Variants in LRP2 observed in about 807,000 individuals in gnomAD.
LRP2 encodes LDL receptor related protein 2, also known as low-density lipoprotein receptor-related protein 2.
A neutral mutation model predicts 531.0 loss-of-function variants in LRP2; 172 were observed. That is an observed-to-expected ratio of 0.32 (90% CI 0.29 to 0.37). LRP2 has a LOEUF of 0.37. Among genes scored for constraint, LRP2 ranks in the 10% least tolerant of loss-of-function variants. LRP2 has a pLI of 1.00. For synonymous variants in LRP2, 1,992 were observed against 2,027.6 expected (o/e 0.98, Z 0.47); for missense variants, 5,167 against 5,868.3 (o/e 0.88, Z 3.90).
chr2:169,166,224 C>T (rs1686777895), intron 61 of LRP2, among the ~76,000 whole-genome samples, 170 bp from the exon 62 acceptor site: 1 of 152,208 alleles, frequency 6.6e-6, no homozygotes, highest in Non-Finnish European at 1.5e-5. Flanking sequence ...CACCAAGGCA[C>T]TGTGCTAGGC....
chr2:169,239,824 CTTCT>C (rs1559034860), intron 25 of LRP2, 49 bp from the exon 26 acceptor site: 1 of 1,504,228 alleles, frequency 6.6e-7, no homozygotes, highest in Admixed American at 1.7e-5. Flanking sequence ...AGAATCTTTG[CTTCT>C]TTGATTCACT....
chr2:169,225,389 A>G lies in LRP2; in HGVS notation c.5459T>C (p.Val1820Ala), dbSNP rs1448383240. The part of the protein sequence containing the change: ...NRTVFASISM[V>A]GPSMNLALDW... ...TAAGGCCAGGTTCATAGAAGGCCCC[A>G]CCATAGATATAGAAGCAAATACTGT... is the stretch of plus-strand genomic sequence containing the variant. The change falls in exon 33 of 79, where the codon GTG (valine) becomes GCG (alanine). Residue 1820 changes from valine to alanine, a missense_variant. Coordinates refer to ENST00000649046, the MANE Select transcript of LRP2 (RefSeq NM_004525.3). The G allele has an allele frequency of 1.9e-6, 3 of 1,614,020 alleles. No individual in the cohort carries two copies. The highest frequency in any genetic ancestry group is 2.2e-5 in the East Asian group (1 of 44,872).
At chr2:169,337,301 T>C (rs831030) in intron 1 of LRP2, among the ~76,000 whole-genome samples, 64,928 of 152,082 alleles carry the variant, frequency 0.43, 14,918 homozygotes, top group African/African-American at 0.61. Flanking sequence ...CCTTCCTCAC[T>C]GGCTTGATGG....
intron 10 of LRP2, 94 bp from the exon 11 acceptor site, chr2:169,280,613 C>G (rs1683678460): frequency 1.6e-6 from 2 of 1,245,396 alleles, no homozygotes; most frequent in African/African-American, 2.9e-5. Flanking sequence ...TTTTCAAATG[C>G]TATCTTCTAG....
At chr2:169,163,884 A>G (rs1686681660) in intron 62 of LRP2, among the ~76,000 whole-genome samples, 1 of 152,224 alleles carries the variant, frequency 6.6e-6, no homozygotes, top group Non-Finnish European at 1.5e-5. Flanking sequence ...AGAAACAGTG[A>G]GAGACATTTT....
chr2:169,205,435 A>C (rs770315508), intron 41 of LRP2, 44 bp downstream of exon 41: 2 of 1,610,920 alleles, frequency 1.2e-6, no homozygotes, highest in South Asian at 2.2e-5. Context: ...AAATGGAAGA[A>C]AAACCTCTTC....
intron 24 of LRP2, 118 bp from the exon 25 acceptor site, chr2:169,241,483 C>T: frequency 9.6e-7 from 1 of 1,044,972 alleles, no homozygotes; most frequent in Non-Finnish European, 1.5e-6. Context: ...ACAACTATGA[C>T]CAAATTAATA....
intron 4 of LRP2, among the ~76,000 whole-genome samples, chr2:169,304,947 A>G (rs1559066563): frequency 6.6e-6 from 1 of 152,224 alleles, no homozygotes; most frequent in Non-Finnish European, 1.5e-5. Flanking sequence ...CATCATTCTC[A>G]GCAAACTAAC....
intron 16 of LRP2, among the ~76,000 whole-genome samples, chr2:169,268,119 C>G (rs1288973617): frequency 6.6e-6 from 1 of 152,084 alleles, no homozygotes; most frequent in East Asian, 1.9e-4. Context: ...AATTAATAGC[C>G]TACCAACCCA....
chr2:169,302,911 T>C (rs1684321118), intron 4 of LRP2, among the ~76,000 whole-genome samples: 1 of 152,130 alleles, frequency 6.6e-6, no homozygotes, highest in African/African-American at 2.4e-5. Context: ...ATTGGGGAAT[T>C]TTAAAAACTG....
At position 169,185,610 on chromosome 2, in the gene LRP2, T is replaced by G; in HGVS notation, c.9738A>C (p.Thr3246=). The G allele has an allele frequency of 6.2e-7, 1 of 1,614,198 alleles. No individual in the cohort carries two copies. The highest frequency in any genetic ancestry group is 8.5e-7 in the Non-Finnish European group (1 of 1,180,022). Residue 3246 remains threonine (T), a synonymous_variant, in exon 50 of 79, where the codon ACA becomes ACC. Coordinates refer to ENST00000649046, the MANE Select transcript of LRP2 (RefSeq NM_004525.3). ...RVEKRLYWID[T]QRQVIERMFL... ...ACATTCTCTCAATGACTTGCCTCTG[T>G]GTATCAATCCAATACAATCTCTTCT...
chr2:169,146,712 T>C, intron 69 of LRP2, 27 bp downstream of exon 69: 2 of 1,489,260 alleles, frequency 1.3e-6, no homozygotes, highest in Non-Finnish European at 9.4e-7. Context: ...ATTAATTTAA[T>C]ATATTACTTT....
intron 67 of LRP2, 113 bp from the exon 68 acceptor site, chr2:169,151,139 A>G (rs1403086814): frequency 1.9e-6 from 2 of 1,058,350 alleles, no homozygotes; most frequent in African/African-American, 1.6e-5. Flanking sequence ...CTGCTCAGAT[A>G]CCTATCATCA....
At chr2:169,353,767 G>C (rs6721930) in intron 1 of LRP2, among the ~76,000 whole-genome samples, 64,946 of 152,084 alleles carry the variant, frequency 0.43, 14,978 homozygotes, top group South Asian at 0.57. Context: ...GAGGCGGGAG[G>C]ATCACTTGAG....
chr2:169,128,939 T>C (rs1343386775), intron 78 of LRP2, 74 bp downstream of exon 78: 23 of 1,534,308 alleles, frequency 1.5e-5, no homozygotes, highest in Non-Finnish European at 1.8e-5. Flanking sequence ...ATAATCTAAG[T>C]GTGTGTCCAA....
At chr2:169,278,095 GT>G (rs113905285) in intron 12 of LRP2, 144 bp from the exon 13 acceptor site, 5,367 of 539,510 alleles carry the variant, frequency 9.9e-3, no homozygotes, top group East Asian at 0.015. Context: ...AAATTAAGTT[GT>G]TTTTTTTTTT....
At position 169,275,064 on chromosome 2, in the gene LRP2, A is replaced by G. The variant is rs1439608098; in HGVS notation, c.1947T>C (p.Thr649=). The change falls in exon 14 of 79, where the codon ACT becomes ACC. Residue 649 remains threonine, a synonymous_variant. Transcript: ENST00000649046. ...YQASLRPYGV[T]VYHSLRQPYA... is the part of the protein sequence containing the mutation. ...AGGGCTGTCTGAGGGAATGGTAAACAGTCACTCCATAGGGCCTCAGGGAAG... is the reference window on the plus strand; with the variant it reads ...AGGGCTGTCTGAGGGAATGGTAAACGGTCACTCCATAGGGCCTCAGGGAAG... The G allele has an allele frequency of 6.2e-7, 1 of 1,613,666 alleles. No homozygotes were observed.
intron 1 of LRP2, among the ~76,000 whole-genome samples, chr2:169,343,347 C>G (rs1231133915): frequency 6.6e-6 from 1 of 152,134 alleles, no homozygotes; most frequent in African/African-American, 2.4e-5. Context: ...CTTTAAAAAG[C>G]TGTATTTTTC....
chr2:169,291,114 C>A, intron 7 of LRP2, 117 bp from the exon 8 acceptor site: 1 of 858,218 alleles, frequency 1.2e-6, no homozygotes, highest in Admixed American at 2.5e-5. Flanking sequence ...TATAAATGAT[C>A]TACATTTTAC....
Sources: gnomAD v4.1 joint callset for allele counts (sites outside exome capture counted in the v4.1 genomes callset) on GRCh38, gnomAD v4.1.1 for gene constraint, MANE v1.5 for transcripts, NCBI Gene and HGNC (gene_info 2026-07-23, HGNC 2026-07-21) for gene names.